The following ARHGAP44 variants were observed in gnomAD, a reference collection of about 807,000 sequenced individuals.
ARHGAP44 encodes the protein rho GTPase-activating protein 44.
Under a neutral mutation model 106.8 loss-of-function variants are expected in ARHGAP44, and 43 were observed. The observed-to-expected ratio is 0.40, with a 90% CI of 0.32 to 0.52. ARHGAP44 has a LOEUF of 0.52. ARHGAP44 is among the 20% of genes least tolerant of loss of function. The probability of loss-of-function intolerance (pLI) is 0.48; values close to 1 mark genes in which losing one functional copy is unlikely to be tolerated. For missense variants in ARHGAP44, 866 were observed against 1,050.5 expected (o/e 0.82, Z 2.43); for synonymous variants, 439 against 410.3 (o/e 1.07, Z -0.85).
At chr17:12,794,417 G>C (rs2033857397) in intron 1 of ARHGAP44, among the ~76,000 whole-genome samples, 1 of 152,128 alleles carries the variant, frequency 6.6e-6, no homozygotes, top group African/African-American at 2.4e-5. Context: ...CGTTGTCACT[G>C]AACACCCATT....
intron 1 of ARHGAP44, among the ~76,000 whole-genome samples, chr17:12,811,430 A>G (rs2034438235): frequency 6.6e-6 from 1 of 152,088 alleles, no homozygotes; most frequent in African/African-American, 2.4e-5. Context: ...GAGAGGGAGA[A>G]GGAAGAGGAT....
intron 3 of ARHGAP44, among the ~76,000 whole-genome samples, chr17:12,901,956 G>C (rs116982809): frequency 6.0e-5 from 9 of 150,426 alleles, no homozygotes; most frequent in Non-Finnish European, 1.2e-4. Context: ...CTAAGCAGCT[G>C]TCAGCTCTTT....
chr17:12,801,861 TTAAAA>T (rs1399383900), intron 1 of ARHGAP44, among the ~76,000 whole-genome samples: 1 of 152,166 alleles, frequency 6.6e-6, no homozygotes, highest in East Asian at 1.9e-4. Context: ...TCCAAATTTC[TTAAAA>T]TAAACGTGTA....
chr17:12,793,197 A>T (rs1488774651), intron 1 of ARHGAP44, among the ~76,000 whole-genome samples: 1 of 152,240 alleles, frequency 6.6e-6, no homozygotes, highest in African/African-American at 2.4e-5. Flanking sequence ...CACAGTGATA[A>T]CATAGATAAC....
At chr17:12,865,230 C>T (rs2036201825) in intron 1 of ARHGAP44, among the ~76,000 whole-genome samples, 1 of 151,878 alleles carries the variant, frequency 6.6e-6, no homozygotes, top group Non-Finnish European at 1.5e-5. Flanking sequence ...CATCACCAGC[C>T]CTAGAAAGTA....
intron 16 of ARHGAP44, among the ~76,000 whole-genome samples, chr17:12,970,913 A>C (rs1281995671): frequency 6.6e-6 from 1 of 152,176 alleles, no homozygotes; most frequent in Non-Finnish European, 1.5e-5. Flanking sequence ...TACATATACC[A>C]TCTTGCTTTG....
intron 1 of ARHGAP44, among the ~76,000 whole-genome samples, chr17:12,822,641 G>A (rs1239712729): frequency 1.3e-5 from 2 of 152,192 alleles, no homozygotes; most frequent in African/African-American, 2.4e-5. Flanking sequence ...TAGGCCTTGA[G>A]TGGAAGTGAT....
chr17:12,974,055 C>T, intron 17 of ARHGAP44, 34 bp from the exon 18 acceptor site: 4 of 1,542,754 alleles, frequency 2.6e-6, no homozygotes, highest in Non-Finnish European at 2.6e-6. Flanking sequence ...ATCTGTTACG[C>T]GTGGGTAAGC....
intron 1 of ARHGAP44, among the ~76,000 whole-genome samples, chr17:12,809,479 G>T (rs775341885): frequency 6.6e-6 from 1 of 152,336 alleles, no homozygotes; most frequent in Non-Finnish European, 1.5e-5. Flanking sequence ...GAGAGCTTGT[G>T]CAGGGAACTC....
intron 1 of ARHGAP44, among the ~76,000 whole-genome samples, chr17:12,799,453 G>A (rs1164506723): frequency 6.6e-6 from 1 of 152,194 alleles, no homozygotes; most frequent in Non-Finnish European, 1.5e-5. Context: ...TTCAGTCAGT[G>A]CTAAAGGTAA....
intron 3 of ARHGAP44, among the ~76,000 whole-genome samples, chr17:12,897,636 C>A (rs1178113157): frequency 2.0e-5 from 3 of 151,792 alleles, no homozygotes; most frequent in African/African-American, 7.3e-5. Flanking sequence ...TTTTATCAAA[C>A]CCACATCTAA....
At chr17:12,810,467 G>T (rs1013723571) in intron 1 of ARHGAP44, among the ~76,000 whole-genome samples, 4 of 152,116 alleles carry the variant, frequency 2.6e-5, no homozygotes, top group African/African-American at 9.7e-5. Flanking sequence ...CTCATAATGG[G>T]GCGATAGAAA....
intron 3 of ARHGAP44, among the ~76,000 whole-genome samples, 160 bp downstream of exon 3, chr17:12,896,671 A>C (rs2150921496): frequency 6.6e-6 from 1 of 152,248 alleles, no homozygotes; most frequent in Non-Finnish European, 1.5e-5. Context: ...TCTGTGGGGT[A>C]ATGACCCTCC....
chr17:12,855,153 C>G (rs879200493), intron 1 of ARHGAP44, among the ~76,000 whole-genome samples: 1 of 151,996 alleles, frequency 6.6e-6, no homozygotes, highest in Admixed American at 6.6e-5. Flanking sequence ...TATTTCACCT[C>G]GAGCTTTATA....
At chr17:12,894,561 T>C (rs2037147508) in intron 1 of ARHGAP44, among the ~76,000 whole-genome samples, 1 of 152,206 alleles carries the variant, frequency 6.6e-6, no homozygotes, top group Non-Finnish European at 1.5e-5. Context: ...CTGTGTTTGT[T>C]GTTAATTGAT....
At chr17:12,818,224 T>C (rs928051693) in intron 1 of ARHGAP44, among the ~76,000 whole-genome samples, 2 of 150,732 alleles carry the variant, frequency 1.3e-5, no homozygotes, top group Non-Finnish European at 3.0e-5. Context: ...TTTAAATGAC[T>C]CAACTGGTAC....
intron 7 of ARHGAP44, among the ~76,000 whole-genome samples, chr17:12,938,070 C>T (rs2150976919): frequency 6.9e-6 from 1 of 144,868 alleles, no homozygotes; most frequent in African/African-American, 2.5e-5. Flanking sequence ...TGCACTCCAG[C>T]CTGGGTGACA....
chr17:12,969,404 G>C (rs61137688), intron 16 of ARHGAP44, among the ~76,000 whole-genome samples: 15,792 of 152,140 alleles, frequency 0.1, 940 homozygotes, highest in South Asian at 0.2. Flanking sequence ...GGGCTTTATG[G>C]CCACAGTTTC....
intron 1 of ARHGAP44, among the ~76,000 whole-genome samples, chr17:12,869,270 G>C (rs2036334571): frequency 6.6e-6 from 1 of 152,130 alleles, no homozygotes; most frequent in Non-Finnish European, 1.5e-5. Context: ...AACATTTGGA[G>C]AGAATCTAAA....
Sources: gnomAD v4.1 joint callset for allele counts (sites outside exome capture counted in the v4.1 genomes callset) on GRCh38, gnomAD v4.1.1 for gene constraint, MANE v1.5 for transcripts, NCBI Gene and HGNC (gene_info 2026-07-23, HGNC 2026-07-21) for gene names.